Variants in RBFOX1 observed in about 807,000 individuals in gnomAD.
RBFOX1 encodes the protein RNA binding protein fox-1 homolog 1.
In RBFOX1, 8 loss-of-function variants were observed where a neutral mutation model predicts 57.7. The ratio of observed to expected loss-of-function variants is 0.14; its 90% CI spans 0.08 to 0.25. The LOEUF (loss-of-function observed/expected upper bound fraction) is 0.25. Among genes scored for constraint, RBFOX1 ranks in the 10% least tolerant of loss-of-function variants. The pLI, the probability that RBFOX1 is intolerant of heterozygous loss-of-function variation, is 1.00. For synonymous variants in RBFOX1, 326 were observed against 222.4 expected (o/e 1.47, Z -4.15); for missense variants, 611 against 548.5 (o/e 1.11, Z -1.14).
rs763620262 is a variant in RBFOX1 at position 7,709,064 on chromosome 16, G to A, written c.1004G>A (p.Arg335Gln). 34 of 1,613,470 alleles carry A rather than the reference G, an allele frequency of 2.1e-5. No individual in the cohort carries two copies. The highest frequency in any genetic ancestry group is 1.1e-4 in the East Asian group (5 of 44,840). ...CTCTATTTTCCTTTCAGTTACGGAC[G>A]AGTTTATGCTGCCGACCCCTACCAC... Reference protein sequence around the residue: ...TAAAYSDSYGRVYAADPYHHA... With the variant: ...TAAAYSDSYGQVYAADPYHHA... The change falls in exon 15 of 16, where the codon CGA becomes CAA. Residue 335 changes from arginine (R) to glutamine (Q), a missense_variant. Physicochemically the swap from Arg to Gln is conservative, Grantham distance 43 (BLOSUM62 1). Transcript: ENST00000550418.
intron 3 of RBFOX1, among the ~76,000 whole-genome samples, chr16:5,867,036 AT>A (rs1567646602): frequency 6.6e-6 from 1 of 151,958 alleles, no homozygotes; most frequent in Non-Finnish European, 1.5e-5. Context: ...CTCCCCACTT[AT>A]TTTTTTCTTG....
At chr16:6,939,558 T>G (rs2077987784) in intron 3 of RBFOX1, among the ~76,000 whole-genome samples, 1 of 151,404 alleles carries the variant, frequency 6.6e-6, no homozygotes, top group African/African-American at 2.4e-5. Flanking sequence ...TCATGCAGGC[T>G]GGAGTTCAGT....
intron 4 of RBFOX1, among the ~76,000 whole-genome samples, chr16:7,504,721 AT>A (rs2072239252): frequency 2.0e-4 from 1 of 4,986 alleles, no homozygotes; most frequent in East Asian, 2.8e-3. Flanking sequence ...ATATATATAT[AT>A]ATATATATAT....
chr16:6,711,306 A>G lies in RBFOX1; in HGVS notation c.-16+56656A>G, dbSNP rs183633997. 5.9e-5 allele frequency among the ~76,000 whole-genome samples: 9 copies of G among 152,284 alleles called. No homozygotes were observed. The East Asian group carries it at 1.7e-3, about 30-fold the overall frequency. ...CCCCATGGCTTCTGTCTCACTGAGA[A>G]TAAAAGAAAAAGTCCTTGAAATTTT... is the stretch of plus-strand genomic sequence containing the variant. On this transcript the variant is annotated intron_variant, in intron 3 of 15. Coordinates refer to ENST00000550418, the MANE Select transcript of RBFOX1 (RefSeq NM_018723.4).
chr16:6,562,164 T>C (rs1303032498), intron 2 of RBFOX1, among the ~76,000 whole-genome samples: 1 of 152,178 alleles, frequency 6.6e-6, no homozygotes, highest in African/African-American at 2.4e-5. Context: ...AGTAACATTG[T>C]AGTCAAGAGT....
chr16:5,826,652 C>T (rs2056066425), intron 3 of RBFOX1, among the ~76,000 whole-genome samples: 1 of 152,226 alleles, frequency 6.6e-6, no homozygotes, highest in Admixed American at 6.5e-5. Context: ...TTATGCTCAT[C>T]TCTGTTGTGA....
At chr16:6,237,008 C>G (rs1470790830) in intron 1 of RBFOX1, among the ~76,000 whole-genome samples, 1 of 152,026 alleles carries the variant, frequency 6.6e-6, no homozygotes, top group Non-Finnish European at 1.5e-5. Context: ...CTCAGGGGAC[C>G]CTAGCATTAT....
intron 4 of RBFOX1, among the ~76,000 whole-genome samples, chr16:7,157,710 C>T (rs111637295): frequency 3.3e-5 from 5 of 152,258 alleles, no homozygotes; most frequent in African/African-American, 1.2e-4. Context: ...CACGCATCAC[C>T]TCATTTTGTG....
Position 7,280,692 on chromosome 16 carries a change from C to T in RBFOX1, c.27+228594C>T, listed in dbSNP as rs112603691. On this transcript the variant is annotated intron_variant, in intron 4 of 15. Transcript: ENST00000550418. Reference sequence around the variant, plus strand: ...TATTTCTCAAGAGGGGCCCTGCTGACGTTTTGGACCAGATTGATAGTTCAT... The same window carrying T: ...TATTTCTCAAGAGGGGCCCTGCTGATGTTTTGGACCAGATTGATAGTTCAT... Among the ~76,000 whole-genome samples, 556 of 152,226 alleles carry T rather than the reference C, an allele frequency of 3.7e-3. 5 individuals carry two copies. The highest frequency in any genetic ancestry group is 0.013 in the African/African-American group (529 of 41,520).
At chr16:6,101,613 A>C (rs1399483937) in intron 1 of RBFOX1, among the ~76,000 whole-genome samples, 1 of 152,090 alleles carries the variant, frequency 6.6e-6, no homozygotes, top group Non-Finnish European at 1.5e-5. Context: ...CACCCTCCGG[A>C]GTAGCTGGGA....
At chr16:7,022,011 CTTCCCT>C (rs1568408170) in intron 3 of RBFOX1, among the ~76,000 whole-genome samples, 1 of 14,762 alleles carries the variant, frequency 6.8e-5, no homozygotes, top group African/African-American at 6.4e-4. Flanking sequence ...TCTCCCTCCC[CTTCCCT>C]TCCCCCTCCC....
intron 4 of RBFOX1, among the ~76,000 whole-genome samples, chr16:7,303,365 G>T (rs2096078629): frequency 6.6e-6 from 1 of 152,098 alleles, no homozygotes; most frequent in African/African-American, 2.4e-5. Flanking sequence ...CCTGAGGAGG[G>T]GAAATCCCTT....
At chr16:6,523,020 A>C (rs908504825) in intron 2 of RBFOX1, among the ~76,000 whole-genome samples, 6 of 152,212 alleles carry the variant, frequency 3.9e-5, no homozygotes, top group Admixed American at 2.0e-4. Flanking sequence ...TCCATCCTAC[A>C]TAAGAAAACT....
chr16:6,591,418 C>A (rs556010339), intron 2 of RBFOX1, among the ~76,000 whole-genome samples: 1 of 152,156 alleles, frequency 6.6e-6, no homozygotes, highest in Non-Finnish European at 1.5e-5. Flanking sequence ...TGTACTACTG[C>A]ACTCCAGTCT....
Position 6,998,084 on chromosome 16 carries a change from A to T in RBFOX1, c.-15-53973A>T, listed in dbSNP as rs529476445. On this transcript the variant is annotated intron_variant, in intron 3 of 15. Transcript: ENST00000550418. The stretch of plus-strand genomic sequence containing the variant: ...ATTTAGAAAAAATATAGATATAAAT[A>T]TATGTACATTATATTTAGTGTACAA... Among the ~76,000 whole-genome samples the T allele has an allele frequency of 2.0e-5, 3 of 152,248 alleles. No homozygotes were observed. In the East Asian group the frequency reaches 5.8e-4, roughly 29 times the overall value.
At chr16:5,935,053 C>A (rs566975322) in intron 4 of RBFOX1, among the ~76,000 whole-genome samples, 145 of 152,288 alleles carry the variant, frequency 9.5e-4, no homozygotes, top group African/African-American at 3.5e-3. Context: ...GTGTCTACAC[C>A]CTCAGCTTTT....
At chr16:7,397,052 A>C (rs17143555) in intron 4 of RBFOX1, among the ~76,000 whole-genome samples, 2 of 152,100 alleles carry the variant, frequency 1.3e-5, no homozygotes, top group Non-Finnish European at 2.9e-5. Flanking sequence ...CGTGAGGTCT[A>C]ACTTGCTTAA....
intron 3 of RBFOX1, among the ~76,000 whole-genome samples, chr16:6,745,855 A>G (rs2073477111): frequency 6.6e-6 from 1 of 152,350 alleles, no homozygotes; most frequent in South Asian, 2.1e-4. Flanking sequence ...ATTCATAGGC[A>G]GCGTGATCAT....
At chr16:6,900,751 T>A (rs1239243496) in intron 3 of RBFOX1, among the ~76,000 whole-genome samples, 3 of 152,204 alleles carry the variant, frequency 2.0e-5, no homozygotes, top group Non-Finnish European at 2.9e-5. Flanking sequence ...AACTGGGATC[T>A]TCTGTCTACG....
Sources: allele counts gnomAD v4.1 joint callset (sites outside exome capture counted in the v4.1 genomes callset), GRCh38; gene constraint gnomAD v4.1.1; transcripts MANE v1.5; gene names NCBI Gene and HGNC (gene_info 2026-07-23, HGNC 2026-07-21).